Variants in CMIP observed in about 807,000 individuals in gnomAD.
CMIP encodes c-Maf inducing protein.
Under a neutral mutation model 97.3 loss-of-function variants are expected in CMIP, and 13 were observed. The observed-to-expected ratio is 0.13, with a 90% CI of 0.09 to 0.21. The LOEUF is 0.21. Among genes scored for constraint, CMIP ranks in the 10% least tolerant of loss-of-function variants. The probability of loss-of-function intolerance (pLI) is 1.00; values close to 1 mark genes in which losing one functional copy is unlikely to be tolerated. For missense variants in CMIP, 847 were observed against 1,024.9 expected (o/e 0.83, Z 2.37); for synonymous variants, 538 against 436.3 (o/e 1.23, Z -2.91).
chr16:81,656,286 T>C (rs948580674), intron 4 of CMIP, among the ~76,000 whole-genome samples: 3 of 152,212 alleles, frequency 2.0e-5, no homozygotes, highest in African/African-American at 7.2e-5. Flanking sequence ...TTGGCTTCTG[T>C]AAACACATTA....
At chr16:81,696,786 A>G in intron 14 of CMIP, 119 bp downstream of exon 14, 5 of 833,190 alleles carry the variant, frequency 6.0e-6, no homozygotes, top group Non-Finnish European at 9.2e-6. Context: ...CGGCTAACAC[A>G]GTGCTGATCA....
chr16:81,454,415 CTA>C (rs1906421913), intron 1 of CMIP, among the ~76,000 whole-genome samples: 1 of 152,214 alleles, frequency 6.6e-6, no homozygotes, highest in African/African-American at 2.4e-5. Flanking sequence ...GCACATGAAA[CTA>C]TTTCAGCCTC....
chr16:81,473,076 G>GCACCTTCAGCCA (rs1464992712), intron 1 of CMIP, among the ~76,000 whole-genome samples: 1 of 152,196 alleles, frequency 6.6e-6, no homozygotes, highest in Non-Finnish European at 1.5e-5. Flanking sequence ...AGTGAATATA[G>GCACCTTCAGCCA]CACCTTCAGC....
At chr16:81,589,506 T>C (rs2091434132) in intron 1 of CMIP, among the ~76,000 whole-genome samples, 1 of 147,990 alleles carries the variant, frequency 6.8e-6, no homozygotes, top group African/African-American at 2.6e-5. Context: ...TTTTCCACCC[T>C]ATGGCGAGTG....
At position 81,607,552 on chromosome 16, in the gene CMIP, C is replaced by T; in HGVS notation, c.301-15C>T. On this transcript the variant is annotated splice_polypyrimidine_tract_variant and intron_variant, in intron 1 of 20. Coordinates refer to ENST00000537098, the MANE Select transcript of CMIP (RefSeq NM_198390.3). Reference sequence around the variant, plus strand: ...TAACCAATGCATATCTCTTCTTTTTCTTTTTTTGCTGCAGCCAACTGGGTA... The same window carrying T: ...TAACCAATGCATATCTCTTCTTTTTTTTTTTTTGCTGCAGCCAACTGGGTA... 2 of 1,612,618 alleles carry T rather than the reference C, an allele frequency of 1.2e-6. No homozygotes were observed. The highest frequency in any genetic ancestry group is 1.7e-6 in the Non-Finnish European group (2 of 1,179,610).
At chr16:81,547,451 G>A (rs2090568972) in intron 1 of CMIP, among the ~76,000 whole-genome samples, 1 of 152,178 alleles carries the variant, frequency 6.6e-6, no homozygotes, top group Admixed American at 6.5e-5. Flanking sequence ...CTGTGGGCAC[G>A]CTGAGCAGAG....
chr16:81,568,516 A>G (rs963458308), intron 1 of CMIP, among the ~76,000 whole-genome samples: 10 of 152,164 alleles, frequency 6.6e-5, no homozygotes, highest in African/African-American at 2.4e-4. Flanking sequence ...TGTGCCAGGC[A>G]GGAGCTCCAG....
chr16:81,640,288 C>A (rs763009064), intron 3 of CMIP, among the ~76,000 whole-genome samples: 1 of 26,084 alleles, frequency 3.8e-5, no homozygotes, highest in African/African-American at 8.2e-5. Flanking sequence ...GACATCAGGC[C>A]CCCCCCCCCC....
At chr16:81,459,522 T>C (rs1906777917) in intron 1 of CMIP, among the ~76,000 whole-genome samples, 2 of 152,232 alleles carry the variant, frequency 1.3e-5, no homozygotes, top group Non-Finnish European at 2.9e-5. Flanking sequence ...AAGATATTAT[T>C]GGTGGTTTTC....
intron 1 of CMIP, among the ~76,000 whole-genome samples, chr16:81,475,059 T>C (rs1907813484): frequency 1.3e-5 from 2 of 152,212 alleles, no homozygotes; most frequent in Non-Finnish European, 2.9e-5. Context: ...ATGGAGCTGC[T>C]GTGGTCAGCA....
chr16:81,579,011 G>T (rs1419495371), intron 1 of CMIP, among the ~76,000 whole-genome samples: 1 of 152,210 alleles, frequency 6.6e-6, no homozygotes, highest in Non-Finnish European at 1.5e-5. Context: ...AGCTTCTTCA[G>T]CTCCAGAAAG....
At chr16:81,648,409 A>G (rs7342709) in intron 3 of CMIP, among the ~76,000 whole-genome samples, 110,425 of 151,864 alleles carry the variant, frequency 0.73, 40,457 homozygotes, top group East Asian at 0.86. Context: ...GCTGTGCACC[A>G]TGAACACCTG....
At chr16:81,477,598 C>T (rs976041570) in intron 1 of CMIP, among the ~76,000 whole-genome samples, 4 of 152,242 alleles carry the variant, frequency 2.6e-5, no homozygotes, top group African/African-American at 9.6e-5. Flanking sequence ...ACTCCTTGCT[C>T]CTGCATGTAA....
intron 10 of CMIP, among the ~76,000 whole-genome samples, chr16:81,686,210 A>G (rs1266296811): frequency 6.6e-6 from 1 of 152,242 alleles, no homozygotes; most frequent in Non-Finnish European, 1.5e-5. Context: ...GGAAACCATG[A>G]GTCAGGGACA....
chr16:81,562,336 C>A (rs1427496985), intron 1 of CMIP, among the ~76,000 whole-genome samples: 2 of 152,248 alleles, frequency 1.3e-5, no homozygotes, highest in Non-Finnish European at 2.9e-5. Flanking sequence ...GGATTCAAAT[C>A]TGGGTCTTCT....
At chr16:81,654,211 C>T (rs1276728780) in intron 4 of CMIP, among the ~76,000 whole-genome samples, 2 of 149,834 alleles carry the variant, frequency 1.3e-5, no homozygotes, top group African/African-American at 2.5e-5. Flanking sequence ...GACTGTTGGC[C>T]TTCACATCCC....
chr16:81,577,687 A>C (rs112555536), intron 1 of CMIP, among the ~76,000 whole-genome samples: 1 of 151,080 alleles, frequency 6.6e-6, no homozygotes, highest in Admixed American at 6.6e-5. Flanking sequence ...CCACTACATT[A>C]TTATCACTAT....
Position 81,709,960 on chromosome 16 carries a change from G to A in CMIP, c.*161G>A. ...GGAGGGGGGAGGGGGTGGGGAGGGG[G>A]CCCACAAGCACGCCCAGCCCCCGCC... On this transcript the variant is annotated 3_prime_UTR_variant, in exon 21 of 21. Coordinates refer to ENST00000537098, the MANE Select transcript of CMIP (RefSeq NM_198390.3). 2 of 513,384 alleles carry A rather than the reference G, an allele frequency of 3.9e-6. No individual in the cohort carries two copies. Among genetic ancestry groups the A allele is most frequent in the East Asian group, 3.7e-5 (1 of 26,788 alleles). The allele number at this position is 513,384 out of a possible 1,614,324, so 31.8% of individuals were successfully genotyped here.
intron 1 of CMIP, among the ~76,000 whole-genome samples, chr16:81,446,262 G>T (rs1905835929): frequency 6.6e-6 from 1 of 152,150 alleles, no homozygotes; most frequent in African/African-American, 2.4e-5. Context: ...GTGTATACGT[G>T]TGTGTTTTGT....
Sources: gnomAD v4.1 joint callset for allele counts (sites outside exome capture counted in the v4.1 genomes callset) on GRCh38, gnomAD v4.1.1 for gene constraint, MANE v1.5 for transcripts, NCBI Gene and HGNC (gene_info 2026-07-23, HGNC 2026-07-21) for gene names.